The following PTPRT variants were observed in gnomAD, a reference collection of about 807,000 sequenced individuals.
The protein encoded by PTPRT is protein tyrosine phosphatase receptor type T, also known as receptor-type tyrosine-protein phosphatase T.
PTPRT carries 56 observed loss-of-function variants against 176.8 expected under a neutral mutation model. That is an observed-to-expected ratio of 0.32 (90% CI 0.26 to 0.40). PTPRT has a LOEUF of 0.40. PTPRT is among the 10% of genes least tolerant of loss of function. The pLI is 1.00. For synonymous variants in PTPRT, 783 were observed against 739.0 expected (o/e 1.06, Z -0.96); for missense variants, 1,540 against 1,908.2 (o/e 0.81, Z 3.60).
intron 1 of PTPRT, among the ~76,000 whole-genome samples, chr20:43,126,181 G>A (rs572021678): frequency 1.4e-4 from 21 of 152,008 alleles, no homozygotes; most frequent in African/African-American, 2.2e-4. Context: ...GTGAAACCCC[G>A]TCTCTATAAA....
At chr20:42,564,008 A>T (rs2072997796) in intron 7 of PTPRT, among the ~76,000 whole-genome samples, 1 of 152,124 alleles carries the variant, frequency 6.6e-6, no homozygotes, top group African/African-American at 2.4e-5. Flanking sequence ...CCCCCTCTGG[A>T]CCCTCTGTAT....
chr20:42,223,261 T>A (rs896865609), intron 15 of PTPRT, among the ~76,000 whole-genome samples: 3 of 152,124 alleles, frequency 2.0e-5, no homozygotes, highest in African/African-American at 7.2e-5. Flanking sequence ...AAACCAGATG[T>A]CGTATATGCA....
At chr20:42,492,008 A>C (rs147587642) in intron 7 of PTPRT, among the ~76,000 whole-genome samples, 279 of 152,344 alleles carry the variant, frequency 1.8e-3, no homozygotes, top group African/African-American at 5.9e-3. Context: ...AAGGTGTTAC[A>C]GGTACAATAG....
At chr20:43,083,320 G>GTGTGTGTATATATATA (rs1299320498) in intron 1 of PTPRT, among the ~76,000 whole-genome samples, 3 of 37,386 alleles carry the variant, frequency 8.0e-5, no homozygotes, top group African/African-American at 2.0e-4. Flanking sequence ...CACTTCAAAT[G>GTGTGTGTATATATATA]TATATATATA....
intron 1 of PTPRT, among the ~76,000 whole-genome samples, chr20:43,091,440 G>C (rs1419633349): frequency 1.4e-5 from 2 of 141,248 alleles, no homozygotes; most frequent in East Asian, 2.1e-4. Context: ...CTCTCTCTCT[G>C]TATTTCTCTC....
intron 9 of PTPRT, among the ~76,000 whole-genome samples, chr20:42,422,895 G>A (rs1009498295): frequency 1.3e-5 from 2 of 152,120 alleles, no homozygotes; most frequent in African/African-American, 4.8e-5. Context: ...TTCTTTGTAG[G>A]AACACAGATG....
intron 15 of PTPRT, among the ~76,000 whole-genome samples, chr20:42,214,716 C>G (rs1037916004): frequency 1.3e-5 from 2 of 152,218 alleles, no homozygotes; most frequent in African/African-American, 2.4e-5. Flanking sequence ...ATAGTCAGAC[C>G]CTGTTGGACC....
At chr20:42,155,063 A>G (rs1989294427) in intron 17 of PTPRT, among the ~76,000 whole-genome samples, 2 of 152,182 alleles carry the variant, frequency 1.3e-5, no homozygotes, top group East Asian at 3.9e-4. Context: ...CTCAGCTTTA[A>G]AAGTATATTC....
chr20:43,034,095 A>G lies in PTPRT; in HGVS notation c.89-148163T>C, dbSNP rs188941325. 1.4e-4 allele frequency among the ~76,000 whole-genome samples: 22 copies of G among 152,344 alleles called. No homozygotes were observed. The East Asian group carries it at 3.7e-3, about 25-fold the overall frequency. On this transcript the variant is annotated intron_variant, in intron 1 of 30. Transcript: ENST00000373187. ...TCCGGGGGCCTCTGCCCTGGAGCTCATGCTCTTTCCTGACTGTGTGTTCCA... is the reference window on the plus strand; with the variant it reads ...TCCGGGGGCCTCTGCCCTGGAGCTCGTGCTCTTTCCTGACTGTGTGTTCCA...
At chr20:42,351,290 A>C (rs2058279996) in intron 10 of PTPRT, among the ~76,000 whole-genome samples, 2 of 152,194 alleles carry the variant, frequency 1.3e-5, no homozygotes, top group South Asian at 4.1e-4. Context: ...CTATAATCCA[A>C]ACCAATGAAT....
intron 1 of PTPRT, among the ~76,000 whole-genome samples, chr20:43,059,744 T>C (rs1987377448): frequency 6.6e-6 from 1 of 152,130 alleles, no homozygotes; most frequent in African/African-American, 2.4e-5. Flanking sequence ...TTTGGGAGAC[T>C]GAGGTGGGCA....
chr20:42,698,453 T>C (rs2206431), intron 6 of PTPRT, among the ~76,000 whole-genome samples: 3 of 151,854 alleles, frequency 2.0e-5, no homozygotes. Context: ...CCAACTAAGG[T>C]CCAAGTACTG....
intron 7 of PTPRT, among the ~76,000 whole-genome samples, chr20:42,611,662 G>A (rs768753504): frequency 3.9e-5 from 6 of 152,216 alleles, no homozygotes; most frequent in Non-Finnish European, 8.8e-5. Flanking sequence ...AGGAATGACA[G>A]CGACTGAACT....
downstream of PTPRT, among the ~76,000 whole-genome samples, chr20:42,068,988 G>A (rs562397442): frequency 6.6e-6 from 1 of 151,810 alleles, no homozygotes; most frequent in South Asian, 2.1e-4. Context: ...TCTCTTTCTG[G>A]CTCAGCTGGC....
chr20:42,386,112 G>A (rs6072715), intron 9 of PTPRT, among the ~76,000 whole-genome samples: 1 of 152,098 alleles, frequency 6.6e-6, no homozygotes, highest in East Asian at 1.9e-4. Flanking sequence ...ATGTTGAAAA[G>A]GCATGATTAT....
At chr20:42,526,956 C>CTTTTTTTTTTTTTTTTTTT (rs915511549) in intron 7 of PTPRT, among the ~76,000 whole-genome samples, 4 of 78,712 alleles carry the variant, frequency 5.1e-5, no homozygotes, top group Non-Finnish European at 7.0e-5. Flanking sequence ...GTTCTTTTTT[C>CTTTTTTTTTTTTTTTTTTT]TTTTTTTTTT....
chr20:42,455,574 G>T (rs2070908591), intron 8 of PTPRT, among the ~76,000 whole-genome samples: 1 of 152,106 alleles, frequency 6.6e-6, no homozygotes, highest in Non-Finnish European at 1.5e-5. Flanking sequence ...ACATTTAAGA[G>T]TTACTCTTTT....
chr20:42,522,865 T>C (rs1434037150), intron 7 of PTPRT, among the ~76,000 whole-genome samples: 1 of 152,174 alleles, frequency 6.6e-6, no homozygotes, highest in African/African-American at 2.4e-5. Flanking sequence ...GAGAATATAG[T>C]CCAAAATTTC....
chr20:42,264,346 T>G (rs1007811318), intron 13 of PTPRT, among the ~76,000 whole-genome samples: 2 of 152,220 alleles, frequency 1.3e-5, no homozygotes, highest in African/African-American at 4.8e-5. Flanking sequence ...GCTCAAATGA[T>G]GTACCAATAG....
Sources: gnomAD v4.1 joint callset for allele counts (sites outside exome capture counted in the v4.1 genomes callset) on GRCh38, gnomAD v4.1.1 for gene constraint, MANE v1.5 for transcripts, NCBI Gene and HGNC (gene_info 2026-07-23, HGNC 2026-07-21) for gene names.